STS: variants seen among roughly 807,000 people sequenced by gnomAD.
STS encodes the protein steroid sulfatase.
Under a neutral mutation model 26.8 loss-of-function variants are expected in STS, and 7 were observed. The observed-to-expected ratio is 0.26, with a 90% CI of 0.15 to 0.49. The LOEUF (loss-of-function observed/expected upper bound fraction) is 0.49, where lower values mean the gene tolerates loss of function less well. STS is among the 20% of genes least tolerant of loss of function. The pLI, the probability that STS is intolerant of heterozygous loss-of-function variation, is 0.98. For synonymous variants in STS, 199 were observed against 189.4 expected, an observed-to-expected ratio of 1.05 and a Z score of -0.42; for missense variants, 434 against 465.6, an observed-to-expected ratio of 0.93 and a Z score of 0.63.
rs1488163743 is a variant in STS, at chrX:7,259,724, A to G, written c.758A>G (p.Asp253Gly). 1 of 1,211,169 alleles carries G rather than the reference A, an allele frequency of 8.3e-7. No homozygotes were observed. Among genetic ancestry groups the G allele is most frequent in the Admixed American group, 2.2e-5 (1 of 45,990 alleles). Residue 253 changes from aspartate to glycine, a missense_variant, in exon 6 of 11, where the codon GAC (aspartate) becomes GGC (glycine). Physicochemically the swap from Asp to Gly is moderately conservative, Grantham distance 94. Coordinates refer to ENST00000674429, the MANE Select transcript of STS (RefSeq NM_001320752.2). ...YEIIQQPMSY[D>G]NLTQRLTVEA... ...ATCATTCAGCAGCCCATGTCCTATG[A>G]CAATCTCACCCAGAGGCTAACGGTG...
intron 9 of STS, among the ~76,000 whole-genome samples, chrX:7,328,070 A>G (rs1927565543): frequency 9.0e-6 from 1 of 111,680 alleles, no homozygotes; most frequent in South Asian, 3.7e-4. Flanking sequence ...AGTTTTTCCT[A>G]TATAAAGCCA....
At chrX:7,148,532 AAG>A (rs1322015034) in intron 1 of STS, among the ~76,000 whole-genome samples, 3 of 112,582 alleles carry the variant, frequency 2.7e-5, no homozygotes, top group African/African-American at 9.7e-5. Context: ...AGAGTGGGGA[AAG>A]GGGATTGAAG....
At chrX:7,189,803 T>C (rs1293061707) in intron 1 of STS, among the ~76,000 whole-genome samples, 1 of 111,395 alleles carries the variant, frequency 9.0e-6, no homozygotes, top group Non-Finnish European at 1.9e-5. Context: ...ATACAAGTAG[T>C]AATAATTGCT....
intron 1 of STS, among the ~76,000 whole-genome samples, chrX:7,180,889 C>T (rs755344737): frequency 7.1e-5 from 8 of 112,487 alleles, no homozygotes; most frequent in Non-Finnish European, 1.5e-4. Context: ...AAACTGTCCT[C>T]ATAAGTCAGA....
chrX:7,204,806 C>T (rs753761922), intron 2 of STS, among the ~76,000 whole-genome samples: 1 of 104,622 alleles, frequency 9.6e-6, no homozygotes, highest in Admixed American at 1.0e-4. Context: ...CTCTCCCTGC[C>T]TTCCTTTCTT....
chrX:7,203,851 C>G (rs1240517938), intron 2 of STS, among the ~76,000 whole-genome samples: 7 of 111,437 alleles, frequency 6.3e-5, no homozygotes, highest in African/African-American at 2.3e-4. Context: ...ATGGCACAGT[C>G]ATAGCTCATT....
At position 7,247,037 on chromosome X, in the gene STS, ATGTG is replaced by A. The variant is rs1197072854; in HGVS notation, c.-4-6149_-4-6146del. Among the ~76,000 whole-genome samples the A allele has an allele frequency of 7.2e-5, 8 of 111,660 alleles. No individual in the cohort carries two copies. In the East Asian group the frequency reaches 8.5e-4, roughly 12 times the overall value. ...GCTAAGCTGAATAAATATAGCAAATATGTGTGTGTGTGTATGTGTGTGTGTGTGT... is the reference window on the plus strand; with the variant it reads ...GCTAAGCTGAATAAATATAGCAAATATGTGTGTGTATGTGTGTGTGTGTGT... On this transcript the variant is annotated intron_variant, in intron 2 of 10. Coordinates refer to ENST00000674429, the MANE Select transcript of STS (RefSeq NM_001320752.2).
At chrX:7,162,548 C>A (rs1382034171) in intron 1 of STS, among the ~76,000 whole-genome samples, 1 of 109,832 alleles carries the variant, frequency 9.1e-6, no homozygotes, top group East Asian at 2.9e-4. Context: ...CTGGGACGTT[C>A]TCTTTCACAA....
At position 7,168,364 on chromosome X, in the gene STS, C is replaced by T. The variant is rs778352988; in HGVS notation, c.-134+20281C>T. 6.3e-5 allele frequency among the ~76,000 whole-genome samples: 7 copies of T among 111,747 alleles called. No individual in the cohort carries two copies. In the East Asian group the frequency reaches 2.0e-3, roughly 31 times the overall value. On this transcript the variant is annotated intron_variant, in intron 1 of 10. Transcript: ENST00000674429. ...GGTTGCCAGTCCTGACTCTAGTTAG[C>T]CAATTTCAATGTCATTGATTTATAT... is the stretch of plus-strand genomic sequence containing the variant.
rs753980517 is a variant in STS, at chrX:7,215,022, ATT to A, written c.-5+24015_-5+24016del. Among the ~76,000 whole-genome samples the A allele has an allele frequency of 1.6e-4, 10 of 63,185 alleles. No homozygotes were observed. In the East Asian group the frequency reaches 3.8e-3, roughly 24 times the overall value. The allele number at this position is 63,185 out of a possible 115,157, so 54.9% of individuals were successfully genotyped here. ...TATACATATATACGTATATATATATATTATATATGTATATATATACATATATA... is the reference window on the plus strand; with the variant it reads ...TATACATATATACGTATATATATATAATATATGTATATATATACATATATA... On this transcript the variant is annotated intron_variant, in intron 2 of 10. Transcript: ENST00000674429.
chrX:7,172,471 G>A (rs1327395898), intron 1 of STS, among the ~76,000 whole-genome samples: 2 of 111,074 alleles, frequency 1.8e-5, no homozygotes, highest in Non-Finnish European at 3.8e-5. Context: ...CCTGTACTTA[G>A]CCCCTTAAGA....
chrX:7,255,612 C>G (rs1018395871), intron 3 of STS, among the ~76,000 whole-genome samples: 1 of 111,503 alleles, frequency 9.0e-6, no homozygotes, highest in Non-Finnish European at 1.9e-5. Flanking sequence ...GTATTAGAGT[C>G]CCATTATTTC....
intron 2 of STS, among the ~76,000 whole-genome samples, chrX:7,232,661 G>A (rs184833880): frequency 6.0e-4 from 67 of 112,203 alleles, no homozygotes; most frequent in African/African-American, 7.8e-4. Flanking sequence ...GAGACCCTGC[G>A]ATTGGGAAGG....
chrX:7,193,871 T>G (rs1310162013), intron 2 of STS, among the ~76,000 whole-genome samples: 1 of 111,583 alleles, frequency 9.0e-6, no homozygotes, highest in Non-Finnish European at 1.9e-5. Flanking sequence ...TGATTTGTTC[T>G]CCTCCAAGGA....
At chrX:7,303,107 C>T (rs1457547616) in intron 7 of STS, among the ~76,000 whole-genome samples, 1 of 111,081 alleles carries the variant, frequency 9.0e-6, no homozygotes, top group Non-Finnish European at 1.9e-5. Context: ...GGGAGGGACC[C>T]GGTGGGAGAT....
chrX:7,151,496 T>G (rs1933010901), intron 1 of STS, among the ~76,000 whole-genome samples: 2 of 111,905 alleles, frequency 1.8e-5, no homozygotes, highest in African/African-American at 6.5e-5. Flanking sequence ...AACGCTGACT[T>G]AGGAAGTCTC....
chrX:7,187,158 A>G (rs769590420), intron 1 of STS, among the ~76,000 whole-genome samples: 10 of 112,131 alleles, frequency 8.9e-5, no homozygotes, highest in Non-Finnish European at 1.5e-4. Flanking sequence ...CTTGACATCT[A>G]AGTTGCTACC....
Position 7,325,481 on chromosome X carries a change from T to G in STS, c.1224T>G (p.Ala408=), listed in dbSNP as rs752987904. 5.5e-5 allele frequency: 66 copies of G among 1,209,216 alleles called. No homozygotes were observed. Among genetic ancestry groups the G allele is most frequent in the Non-Finnish European group, 6.8e-5 (61 of 895,033 alleles). ...IFPTVAKLAG[A]PLPEDRIIDG... ...CTACAGTAGCCAAGCTGGCTGGAGCTCCCTTGCCTGAGGACAGGTACTCTG... is the reference window on the plus strand; with the variant it reads ...CTACAGTAGCCAAGCTGGCTGGAGCGCCCTTGCCTGAGGACAGGTACTCTG... Residue 408 remains alanine (A), a synonymous_variant, in exon 9 of 11, where the codon GCT becomes GCG. Transcript: ENST00000674429.
chrX:7,176,116 G>A (rs1933565604), intron 1 of STS, among the ~76,000 whole-genome samples: 2 of 111,295 alleles, frequency 1.8e-5, no homozygotes, highest in South Asian at 7.5e-4. Flanking sequence ...TTGAACGTGG[G>A]TTTTGTATTG....
Sources: allele counts gnomAD v4.1 joint callset (sites outside exome capture counted in the v4.1 genomes callset), GRCh38; gene constraint gnomAD v4.1.1; transcripts MANE v1.5; gene names NCBI Gene and HGNC (gene_info 2026-07-23, HGNC 2026-07-21).